The following EYS variants were observed in gnomAD, a reference collection of about 807,000 sequenced individuals.
EYS encodes EGF-like photoreceptor maintenance factor.
EYS carries 250 observed loss-of-function variants against 282.1 expected under a neutral mutation model. The observed-to-expected ratio is 0.89, with a 90% CI of 0.80 to 0.98. EYS has a LOEUF of 0.98. EYS is among the 50% of genes least tolerant of loss of function. The pLI is 0.00. For missense variants in EYS, 4,016 were observed against 3,709.0 expected, an observed-to-expected ratio of 1.08 and a Z score of -2.15; for synonymous variants, 1,355 against 1,282.9, an observed-to-expected ratio of 1.06 and a Z score of -1.20.
chr6:64,476,548 T>C (rs57162120), intron 26 of EYS, among the ~76,000 whole-genome samples: 2,964 of 152,216 alleles, frequency 0.019, 90 homozygotes, highest in African/African-American at 0.068. Flanking sequence ...TTTTTTCTTT[T>C]TCAAAAAGCC....
At chr6:64,622,765 T>A (rs1342847422) in intron 23 of EYS, among the ~76,000 whole-genome samples, 7 of 152,178 alleles carry the variant, frequency 4.6e-5, no homozygotes, top group Non-Finnish European at 1.0e-4. Context: ...GGAATACTTG[T>A]GTAGTTTTCT....
intron 12 of EYS, among the ~76,000 whole-genome samples, chr6:65,270,612 T>C (rs1767872459): frequency 6.6e-6 from 1 of 152,178 alleles, no homozygotes; most frequent in Non-Finnish European, 1.5e-5. Context: ...GGTCTTCAAG[T>C]CATTTATCTC....
intron 22 of EYS, among the ~76,000 whole-genome samples, chr6:64,744,136 G>A (rs892387450): frequency 2.6e-5 from 4 of 152,006 alleles, no homozygotes; most frequent in African/African-American, 9.7e-5. Context: ...TTTAAAAAAA[G>A]CATATTTTGC....
chr6:65,413,048 C>T (rs1436159253), intron 5 of EYS, among the ~76,000 whole-genome samples: 1 of 152,022 alleles, frequency 6.6e-6, no homozygotes. Flanking sequence ...CTCAATTTCC[C>T]CAGAATCCCT....
chr6:65,450,540 A>G (rs1764361731), intron 5 of EYS, among the ~76,000 whole-genome samples: 1 of 152,144 alleles, frequency 6.6e-6, no homozygotes, highest in South Asian at 2.1e-4. Context: ...CCAGTGATTT[A>G]TGAAGCTAAA....
intron 12 of EYS, among the ~76,000 whole-genome samples, chr6:65,102,134 A>G (rs1002427873): frequency 1.3e-5 from 2 of 151,454 alleles, no homozygotes; most frequent in Non-Finnish European, 3.0e-5. Context: ...AGAAAAAACT[A>G]TCTTTGAAAC....
chr6:64,808,714 A>T (rs1042283617), intron 22 of EYS, among the ~76,000 whole-genome samples: 1 of 152,080 alleles, frequency 6.6e-6, no homozygotes, highest in Non-Finnish European at 1.5e-5. Flanking sequence ...TTGCCAGAAA[A>T]CAAAGAATCT....
At position 65,490,668 on chromosome 6, in the gene EYS, T is replaced by C. The variant is rs139517572; in HGVS notation, c.788A>G (p.His263Arg). 3.7e-4 allele frequency: 596 copies of C among 1,612,948 alleles called. 1 individual carries two copies. The African/African-American group carries it at 7.2e-3, about 19-fold the overall frequency. Residue 263 changes from histidine (H) to arginine (R), a missense_variant, in exon 5 of 43, where the codon CAT becomes CGT. Physicochemically the swap from His to Arg is conservative, Grantham distance 29 (BLOSUM62 0). Coordinates refer to ENST00000503581, the MANE Select transcript of EYS (RefSeq NM_001142800.2). The part of the protein sequence containing the change: ...CSEIIGQCQP[H>R]VCFHGNCSNI... ...GCTGCAGTTTCCATGGAAACAGACA[T>C]GTGGTTGACACTGGCCAATTATTTC... is the stretch of plus-strand genomic sequence containing the variant.
At chr6:63,980,637 A>G (rs1188019748) in intron 35 of EYS, among the ~76,000 whole-genome samples, 2 of 151,938 alleles carry the variant, frequency 1.3e-5, no homozygotes, top group Non-Finnish European at 2.9e-5. Context: ...AAGGCTGAAT[A>G]TTAACACATC....
Position 64,977,669 on chromosome 6 carries a change from A to G in EYS, c.2259+19913T>C, listed in dbSNP as rs1034484125. On this transcript the variant is annotated intron_variant, in intron 14 of 42. Transcript: ENST00000503581. ...AAATAGTAAGCCAAGCTGTGAATGAAAAAAAAAAAAAAAAACTTGAAGAAA... is the reference window on the plus strand; with the variant it reads ...AAATAGTAAGCCAAGCTGTGAATGAGAAAAAAAAAAAAAAACTTGAAGAAA... Among the ~76,000 whole-genome samples the G allele has an allele frequency of 1.3e-4, 8 of 63,814 alleles. 1 individual carries two copies. In the South Asian group the frequency reaches 4.1e-3, roughly 32 times the overall value. 41.9% of individuals were successfully genotyped at this position (63,814 alleles called of 152,430 possible).
At chr6:63,771,260 G>A (rs1244360316) in intron 40 of EYS, among the ~76,000 whole-genome samples, 5 of 152,096 alleles carry the variant, frequency 3.3e-5, no homozygotes, top group Admixed American at 1.3e-4. Context: ...GGGACTTGTG[G>A]TTTGTTTTAA....
intron 22 of EYS, among the ~76,000 whole-genome samples, chr6:64,761,798 G>A (rs1773168860): frequency 1.3e-5 from 2 of 152,000 alleles, no homozygotes; most frequent in Non-Finnish European, 2.9e-5. Context: ...AAATAGAAAA[G>A]GTAAGCACAG....
intron 19 of EYS, among the ~76,000 whole-genome samples, chr6:64,828,087 A>C (rs746514072): frequency 6.6e-6 from 1 of 151,968 alleles, no homozygotes; most frequent in South Asian, 2.1e-4. Context: ...AAATATTCAA[A>C]TTTCAATGCT....
intron 14 of EYS, among the ~76,000 whole-genome samples, chr6:64,972,120 T>G (rs2150111620): frequency 6.6e-6 from 1 of 152,250 alleles, no homozygotes; most frequent in South Asian, 2.1e-4. Context: ...GACCACCTGA[T>G]GATGATTTCT....
intron 22 of EYS, among the ~76,000 whole-genome samples, chr6:64,771,877 T>C (rs1245428167): frequency 6.6e-6 from 1 of 151,840 alleles, no homozygotes; most frequent in African/African-American, 2.4e-5. Context: ...CATTGCATTA[T>C]GCAGATATTC....
At chr6:64,888,886 G>T (rs1001673363) in intron 18 of EYS, among the ~76,000 whole-genome samples, 3 of 151,922 alleles carry the variant, frequency 2.0e-5, no homozygotes, top group African/African-American at 7.2e-5. Flanking sequence ...CTCAGAAATA[G>T]CAGTGAAAGG....
chr6:64,200,271 C>T (rs964709510), intron 31 of EYS, among the ~76,000 whole-genome samples: 3 of 151,928 alleles, frequency 2.0e-5, no homozygotes, highest in Admixed American at 6.6e-5. Context: ...TGACATGATA[C>T]ATTTGCCAAA....
chr6:64,237,009 T>TG (rs1376600640), intron 30 of EYS, among the ~76,000 whole-genome samples: 1 of 152,106 alleles, frequency 6.6e-6, no homozygotes, highest in East Asian at 1.9e-4. Context: ...ATAAGTAGTA[T>TG]GTACATTTAA....
intron 15 of EYS, among the ~76,000 whole-genome samples, chr6:64,935,609 T>A (rs1768881692): frequency 6.6e-6 from 1 of 150,890 alleles, no homozygotes; most frequent in Non-Finnish European, 1.5e-5. Flanking sequence ...ATTACAAGAA[T>A]CAGAAATGAA....
Sources: allele counts gnomAD v4.1 joint callset (sites outside exome capture counted in the v4.1 genomes callset), GRCh38; gene constraint gnomAD v4.1.1; transcripts MANE v1.5; gene names NCBI Gene and HGNC (gene_info 2026-07-23, HGNC 2026-07-21).